The following PITPNM1 variants were observed in gnomAD, a reference collection of about 807,000 sequenced individuals.
PITPNM1 encodes phosphatidylinositol transfer protein membrane associated 1.
A neutral mutation model predicts 133.3 loss-of-function variants in PITPNM1; 74 were observed. The observed-to-expected ratio is 0.56, with a 90% CI of 0.46 to 0.67. The LOEUF (loss-of-function observed/expected upper bound fraction) is 0.67, where lower values mean the gene tolerates loss of function less well. Among genes scored for constraint, PITPNM1 ranks in the 30% least tolerant of loss-of-function variants. The probability of loss-of-function intolerance (pLI) is 0.00; values close to 1 mark genes in which losing one functional copy is unlikely to be tolerated. For synonymous variants in PITPNM1, 738 were observed against 741.4 expected (o/e 1.00, Z 0.08); for missense variants, 1,398 against 1,739.5 (o/e 0.80, Z 3.49).
chr11:67,497,625 C>T lies in PITPNM1; in HGVS notation c.1837G>A (p.Gly613Ser). 26 of 1,608,062 alleles carry T rather than the reference C, an allele frequency of 1.6e-5. No homozygotes were observed. The highest frequency in any genetic ancestry group is 2.2e-5 in the East Asian group (1 of 44,852). ...CTGCCCCGACCCAGGCCTTCCACAC[C>T]ATCTGCCAGGGGGTCCCGCACTGGG... ...FGPVRDPLAD[G>S]VEGLGRGSPE... is the part of the protein sequence containing the mutation. Residue 613 changes from glycine to serine, a missense_variant, in exon 13 of 24, where the codon GGT (glycine) becomes AGT (serine). Around this residue, in one of 5 missense-constraint regions of PITPNM1, gnomAD observed 574 missense variants for 698.7 expected, o/e 0.82. Transcript: ENST00000356404.
In PITPNM1 at chr11:67,492,988, C is replaced by G. The variant is rs200324325; in HGVS notation, c.3417G>C (p.Pro1139=). The part of the protein sequence containing the change: ...VAVYAALGLS[P]SQTYIVGRAV... ...CACGGCCCACGATGTAGGTCTGGCTCGGGGACAGCCCCAGCGCCGCGTATA... is the reference window on the plus strand; with the variant it reads ...CACGGCCCACGATGTAGGTCTGGCTGGGGGACAGCCCCAGCGCCGCGTATA... Residue 1139 remains proline (P), a synonymous_variant, in exon 23 of 24, where the codon CCG becomes CCC. Coordinates refer to ENST00000356404, the MANE Select transcript of PITPNM1 (RefSeq NM_004910.3). 3 of 1,612,886 alleles carry G rather than the reference C, an allele frequency of 1.9e-6. No individual in the cohort carries two copies. In the East Asian group the frequency reaches 6.7e-5, roughly 36 times the overall value.
At position 67,494,941 on chromosome 11, in the gene PITPNM1, G is replaced by A. The variant is rs1285585122; in HGVS notation, c.2647C>T (p.Arg883Trp). 1 of 1,612,512 alleles carries A rather than the reference G, an allele frequency of 6.2e-7. No homozygotes were observed. The highest frequency in any genetic ancestry group is 1.1e-5 in the South Asian group (1 of 91,082). The change falls in exon 18 of 24, where the codon CGG (arginine) becomes TGG (tryptophan). Residue 883 changes from arginine (R) to tryptophan (W), a missense_variant. By Grantham distance (101) the Arg-to-Trp change is moderately radical. Transcript: ENST00000356404. The part of the protein sequence containing the change: ...FILRQVIEKE[R>W]PQLAECEEPS... Reference sequence around the variant, plus strand: ...TCCTCGCATTCCGCCAGCTGTGGCCGCTCCTTCTCGATCACCTGCACGGGA... The same window carrying A: ...TCCTCGCATTCCGCCAGCTGTGGCCACTCCTTCTCGATCACCTGCACGGGA...
intron 23 of PITPNM1, 101 bp from the exon 24 acceptor site, chr11:67,492,397 G>T: frequency 7.9e-7 from 1 of 1,260,596 alleles, no homozygotes. Context: ...TGGGGGACTG[G>T]TGGCAGGCTT....
At position 67,497,930 on chromosome 11, in the gene PITPNM1, C is replaced by G; in HGVS notation, c.1769G>C (p.Arg590Pro). ...GGCTATACTGACCATGCTCCCACGGCGGCTGCTGCCCCGACTCCCGGTGCC... is the reference window on the plus strand; with the variant it reads ...GGCTATACTGACCATGCTCCCACGGGGGCTGCTGCCCCGACTCCCGGTGCC... The part of the protein sequence containing the change: ...NAGTGSRGSS[R>P]RGSMNNELLS... The change falls in exon 12 of 24, where the codon CGC (arginine) becomes CCC (proline). Residue 590 changes from arginine (R) to proline (P), a missense_variant. By Grantham distance (103) the Arg-to-Pro change is moderately radical. This residue lies in a region of PITPNM1 where 574 missense variants were observed against 698.7 expected (regional missense o/e 0.82). Coordinates refer to ENST00000356404, the MANE Select transcript of PITPNM1 (RefSeq NM_004910.3). 1.2e-6 allele frequency: 2 copies of G among 1,610,522 alleles called. No homozygotes were observed. The highest frequency in any genetic ancestry group is 1.7e-6 in the Non-Finnish European group (2 of 1,179,778).
At position 67,499,914 on chromosome 11, in the gene PITPNM1, C is replaced by T. The variant is rs1239038237; in HGVS notation, c.1063G>A (p.Glu355Lys). 1.9e-6 allele frequency: 3 copies of T among 1,611,708 alleles called. No homozygotes were observed. Among genetic ancestry groups the T allele is most frequent in the East Asian group, 2.2e-5 (1 of 44,766 alleles). ...SSEEEFFDAH[E>K]GFSDSEEVFP... ...TCCCAAAAAGGGCCTCAGTGCTGAC[C>T]GTGGGCATCAAAGAACTCTTCCTCG... Residue 355 changes from glutamate to lysine, a missense_variant and splice_region_variant, in exon 7 of 24, where the codon GAA (glutamate) becomes AAA (lysine). This residue lies in a region of PITPNM1 where 195 missense variants were observed against 178.8 expected (regional missense o/e 1.09). Transcript: ENST00000356404.
chr11:67,498,871 G>A lies in PITPNM1; in HGVS notation c.1234-25C>T, dbSNP rs748344115. The A allele has an allele frequency of 1.9e-6, 3 of 1,609,428 alleles. No homozygotes were observed. Among genetic ancestry groups the A allele is most frequent in the African/African-American group, 1.3e-5 (1 of 74,980 alleles). ...CCTGGGGGGAACAATGGGGTGCAGTGGGTGTCACAGCAGTGGCCGGGCCAG... is the reference window on the plus strand; with the variant it reads ...CCTGGGGGGAACAATGGGGTGCAGTAGGTGTCACAGCAGTGGCCGGGCCAG... On this transcript the variant is annotated intron_variant, in intron 9 of 23. Transcript: ENST00000356404. This position sits in a 1 kb window ranked among gnomAD's most constrained non-coding sequence, Gnocchi z 5.7.
At chr11:67,499,041 C>T in intron 8 of PITPNM1, 40 bp from the exon 9 acceptor site, 1 of 1,572,172 alleles carries the variant, frequency 6.4e-7, no homozygotes, top group Non-Finnish European at 8.6e-7. Flanking sequence ...CGGAGAGGAC[C>T]ACTGGGATCC....
In PITPNM1 at chr11:67,495,163, T is replaced by C. The variant is rs892142294; in HGVS notation, c.2545A>G (p.Thr849Ala). The C allele has an allele frequency of 1.2e-6, 2 of 1,611,922 alleles. No homozygotes were observed. Among genetic ancestry groups the C allele is most frequent in the Non-Finnish European group, 1.7e-6 (2 of 1,179,820 alleles). The change falls in exon 17 of 24, where the codon ACC becomes GCC. Residue 849 changes from threonine (T) to alanine (A), a missense_variant. Physicochemically the swap from Thr to Ala is moderately conservative, Grantham distance 58. This residue lies in a region of PITPNM1 where 574 missense variants were observed against 698.7 expected (regional missense o/e 0.82). Transcript: ENST00000356404. ...GGCAGCGTGACGGTGGGAAAGGCGG[T>C]GAGCGCCTCGGGGCAGTACAGCGAG... Reference protein sequence around the residue: ...DYSLYCPEALTAFPTVTLPHL... With the variant: ...DYSLYCPEALAAFPTVTLPHL...
chr11:67,498,383 TC>T lies in PITPNM1; in HGVS notation c.1485-62del. ...TCCAGACCCACTCCTGCCATCCAAG[TC>T]CCCTGGGCCTGCTGGCAGGCCCTGG... On this transcript the variant is annotated intron_variant, in intron 10 of 23. Transcript: ENST00000356404. This position sits in a 1 kb window ranked among gnomAD's most constrained non-coding sequence, Gnocchi z 5.7. The T allele has an allele frequency of 1.4e-6, 2 of 1,453,370 alleles. No homozygotes were observed. The highest frequency in any genetic ancestry group is 1.8e-6 in the Non-Finnish European group (2 of 1,097,202). The allele number at this position is 1,453,370 out of a possible 1,614,324, so 90.0% of individuals were successfully genotyped here. A position where few individuals can be genotyped will look rare whatever the true frequency, so the allele number is the denominator to read the frequency against.
chr11:67,503,068 G>A (rs1252350224), intron 2 of PITPNM1, among the ~76,000 whole-genome samples: 4 of 152,298 alleles, frequency 2.6e-5, no homozygotes, highest in African/African-American at 9.6e-5. Flanking sequence ...ACAGACAAAA[G>A]GAAAAAGCAA....
At position 67,501,955 on chromosome 11, in the gene PITPNM1, T is replaced by C; in HGVS notation, c.547A>G (p.Thr183Ala). The C allele has an allele frequency of 6.2e-7, 1 of 1,613,494 alleles. No individual in the cohort carries two copies. The highest frequency in any genetic ancestry group is 8.5e-7 in the Non-Finnish European group (1 of 1,180,004). The stretch of plus-strand genomic sequence containing the variant: ...TTATAGGCACACATAAGGGGCCCCG[T>C]CTGTGCCGCCGTCCGTGCCCAGTCA... ...SDDWARTAAQ[T>A]GPLMCAYKLC... Residue 183 changes from threonine (T) to alanine (A), a missense_variant, in exon 5 of 24, where the codon ACG (threonine) becomes GCG (alanine). Transcript: ENST00000356404.
chr11:67,499,920 C>T lies in PITPNM1; in HGVS notation c.1057G>A (p.Ala353Thr). 1 of 1,611,854 alleles carries T rather than the reference C, an allele frequency of 6.2e-7. No individual in the cohort carries two copies. Among genetic ancestry groups the T allele is most frequent in the South Asian group, 1.1e-5 (1 of 91,066 alleles). Residue 353 changes from alanine (A) to threonine (T), a missense_variant, in exon 7 of 24, where the codon GCC (alanine) becomes ACC (threonine). This residue lies in a region of PITPNM1 where 195 missense variants were observed against 178.8 expected (regional missense o/e 1.09). Transcript: ENST00000356404. ...AAAGGGCCTCAGTGCTGACCGTGGG[C>T]ATCAAAGAACTCTTCCTCGGAGCTG... ...ENSSEEEFFD[A>T]HEGFSDSEEV...
chr11:67,492,710 C>T (rs907431916), intron 23 of PITPNM1, among the ~76,000 whole-genome samples: 1 of 152,264 alleles, frequency 6.6e-6, no homozygotes, highest in South Asian at 2.1e-4. Flanking sequence ...GTGGAACCAG[C>T]GCCTAGGGTC....
Position 67,499,010 on chromosome 11 carries a change from C to A in PITPNM1, c.1172-9G>T. 3.1e-6 allele frequency: 5 copies of A among 1,608,692 alleles called. No individual in the cohort carries two copies. Among genetic ancestry groups the A allele is most frequent in the Non-Finnish European group, 4.2e-6 (5 of 1,177,856 alleles). ...TGCCTCGGCTCCAGGCTCTGCAGGG[C>A]AACGAAGCCAGTGAGAGGGACGGAG... On this transcript the variant is annotated splice_polypyrimidine_tract_variant and intron_variant, in intron 8 of 23. Transcript: ENST00000356404.
Position 67,502,896 on chromosome 11 carries a change from C to T in PITPNM1, c.79-178G>A, listed in dbSNP as rs1866382477. On this transcript the variant is annotated intron_variant, in intron 2 of 23. Coordinates refer to ENST00000356404, the MANE Select transcript of PITPNM1 (RefSeq NM_004910.3). The surrounding 1 kb of genome is among the most constrained non-coding windows in gnomAD (Gnocchi z 5.9). ...GATCAGAATCACAGATGCAGCCCAG[C>T]CCCGCATGGGGTCTGCAACCCAGCA... Among the ~76,000 whole-genome samples the T allele has an allele frequency of 6.6e-6, 1 of 152,192 alleles. No individual in the cohort carries two copies. The highest frequency in any genetic ancestry group is 1.5e-5 in the Non-Finnish European group (1 of 68,044).
chr11:67,500,901 T>C (rs1866302465), intron 5 of PITPNM1, among the ~76,000 whole-genome samples: 1 of 152,244 alleles, frequency 6.6e-6, no homozygotes, highest in Non-Finnish European at 1.5e-5. Context: ...AGTTAGAAAC[T>C]CTTAAATGTC....
chr11:67,496,119 C>A, intron 15 of PITPNM1, 59 bp downstream of exon 15: 1 of 1,409,850 alleles, frequency 7.1e-7, no homozygotes. Flanking sequence ...CTTCTGCTAC[C>A]TCCTCCCTTC....
In PITPNM1 at chr11:67,504,216, C is replaced by T; in HGVS notation, c.-36G>A. The T allele has an allele frequency of 6.6e-7, 1 of 1,526,090 alleles. No individual in the cohort carries two copies. The highest frequency in any genetic ancestry group is 8.9e-7 in the Non-Finnish European group (1 of 1,125,510). The allele number at this position is 1,526,090 out of a possible 1,614,324, so 94.5% of individuals were successfully genotyped here. On this transcript the variant is annotated 5_prime_UTR_variant, in exon 2 of 24. Transcript: ENST00000356404. The surrounding 1 kb of genome is among the most constrained non-coding windows in gnomAD (Gnocchi z 5.4). ...CTCGGCGGGCCGCGCGCGGCCTCCG[C>T]TCCTCCTGGCGCAGGGCACGGCGCG...
rs1175348855 is a variant in PITPNM1, at chr11:67,504,182, C to T, written c.-2G>A. ...AATGTGGTATTCCTTGATGAGCATC[C>T]TGAAGGCGCTCGGCGGGCCGCGCGC... On this transcript the variant is annotated 5_prime_UTR_variant, in exon 2 of 24. Transcript: ENST00000356404. The surrounding 1 kb of genome is among the most constrained non-coding windows in gnomAD (Gnocchi z 5.4). 6.2e-7 allele frequency: 1 copy of T among 1,601,914 alleles called. No individual in the cohort carries two copies. The highest frequency in any genetic ancestry group is 1.1e-5 in the South Asian group (1 of 89,580).
Sources: allele counts gnomAD v4.1 joint callset (sites outside exome capture counted in the v4.1 genomes callset), GRCh38; gene constraint gnomAD v4.1.1; regional missense constraint gnomAD v4.1.1; non-coding constraint Gnocchi (gnomAD v3.1); transcripts MANE v1.5; gene names NCBI Gene and HGNC (gene_info 2026-07-23, HGNC 2026-07-21).